MRPL10: variants seen among roughly 807,000 people sequenced by gnomAD.
The protein encoded by MRPL10 is large ribosomal subunit protein uL10m.
MRPL10 carries 14 observed loss-of-function variants against 19.8 expected under a neutral mutation model. The ratio of observed to expected loss-of-function variants is 0.71; its 90% confidence interval spans 0.47 to 1.11. The LOEUF (loss-of-function observed/expected upper bound fraction) is 1.11. Among genes scored for constraint, MRPL10 ranks in the 50% least tolerant of loss-of-function variants. The pLI, the probability that MRPL10 is intolerant of heterozygous loss-of-function variation, is 0.00. For synonymous variants in MRPL10, 129 were observed against 139.2 expected, an observed-to-expected ratio of 0.93 and a Z score of 0.52; for missense variants, 318 against 339.6, an observed-to-expected ratio of 0.94 and a Z score of 0.50.
rs986526481 is a variant in MRPL10 at position 47,823,897 on chromosome 17, G to A, written c.*308C>T. On this transcript the variant is annotated 3_prime_UTR_variant, in exon 5 of 5. Coordinates refer to ENST00000351111, the MANE Select transcript of MRPL10 (RefSeq NM_145255.4). ...GGCTCAGGAGCCCGTGCAGCAAGAG[G>A]CAGTGACCAAGGAGGCAGGGGACAA... 5.1e-6 allele frequency: 2 copies of A among 393,060 alleles called. No individual in the cohort carries two copies. Among genetic ancestry groups the A allele is most frequent in the Non-Finnish European group, 9.4e-6 (2 of 212,136 alleles). 24.3% of individuals were successfully genotyped at this position (393,060 alleles called of 1,614,324 possible). A position where few individuals can be genotyped will look rare whatever the true frequency, so the allele number is the denominator to read the frequency against.
Position 47,824,261 on chromosome 17 carries a change from C to A in MRPL10, c.730G>T (p.Asp244Tyr), listed in dbSNP as rs764603416. 3 of 1,614,162 alleles carry A rather than the reference C, an allele frequency of 1.9e-6. No homozygotes were observed. The highest frequency in any genetic ancestry group is 8.5e-7 in the Non-Finnish European group (1 of 1,180,036). ...DQYIREQREKDSVMSANGKPD... is the reference protein window; with the variant it reads ...DQYIREQREKYSVMSANGKPD... ...TTCCCATTGGCCGACATGACAGAAT[C>A]CTTCTCGCGTTGCTCTCTGATGTAC... The change falls in exon 5 of 5, where the codon GAT becomes TAT. Residue 244 changes from aspartate (D) to tyrosine (Y), a missense_variant. Transcript: ENST00000351111.
At chr17:47,826,518 G>A (rs1230381948) in intron 4 of MRPL10, 119 bp downstream of exon 4, 6 of 1,273,408 alleles carry the variant, frequency 4.7e-6, no homozygotes, top group Non-Finnish European at 6.6e-6. Flanking sequence ...GTTTACTCAG[G>A]CTCCATCCGT....
intron 4 of MRPL10, among the ~76,000 whole-genome samples, chr17:47,826,045 G>C (rs2033527060): frequency 6.6e-6 from 1 of 150,984 alleles, no homozygotes; most frequent in Non-Finnish European, 1.5e-5. Context: ...TACTCAGGAG[G>C]CTGAGGCAGG....
chr17:47,826,184 G>A (rs1011014988), intron 4 of MRPL10, among the ~76,000 whole-genome samples: 8 of 133,248 alleles, frequency 6.0e-5, no homozygotes, highest in Non-Finnish European at 1.1e-4. Flanking sequence ...TTCCTGTCCC[G>A]CCCCCTCCCT....
intron 2 of MRPL10, 96 bp from the exon 3 acceptor site, chr17:47,827,300 TC>T: frequency 9.4e-7 from 1 of 1,061,722 alleles, no homozygotes; most frequent in Non-Finnish European, 1.4e-6. Context: ...TCCAGTGATG[TC>T]CAGATGTGCA....
At chr17:47,826,810 C>G in intron 3 of MRPL10, 29 bp from the exon 4 acceptor site, 1 of 1,613,616 alleles carries the variant, frequency 6.2e-7, no homozygotes, top group South Asian at 1.1e-5. Context: ...AATGGCTTAT[C>G]GGGGACAAGT....
chr17:47,831,168 C>A (rs2033623146), intron 1 of MRPL10: 4 of 651,532 alleles, frequency 6.1e-6, no homozygotes, highest in Middle Eastern at 4.2e-4. Flanking sequence ...TGCGACGGGG[C>A]TAAGGAGTCA....
chr17:47,826,078 C>T (rs1339509953), intron 4 of MRPL10, among the ~76,000 whole-genome samples: 1 of 145,318 alleles, frequency 6.9e-6, no homozygotes. Flanking sequence ...ACCCAGGAGA[C>T]AGAGGTTGCA....
chr17:47,827,115 C>G lies in MRPL10; in HGVS notation c.312G>C (p.Leu104=). The G allele has an allele frequency of 6.2e-7, 1 of 1,614,146 alleles. No homozygotes were observed. The change falls in exon 3 of 5, where the codon CTG becomes CTC. Residue 104 remains leucine, a synonymous_variant. Coordinates refer to ENST00000351111, the MANE Select transcript of MRPL10 (RefSeq NM_145255.4). ...GCATAAGAAGCTTGTCCTCTGCACT[C>G]AGAGCCACATTCTGGCAGACGGCTA... is the stretch of plus-strand genomic sequence containing the variant. ...RMIAVCQNVA[L]SAEDKLLMRH...
intron 4 of MRPL10, among the ~76,000 whole-genome samples, chr17:47,824,869 C>A (rs1159239076): frequency 6.6e-6 from 1 of 151,450 alleles, no homozygotes; most frequent in Non-Finnish European, 1.5e-5. Context: ...CAAAAATTAG[C>A]CAGGCATGGT....
At chr17:47,824,605 AC>A (rs1198465270) in intron 4 of MRPL10, 147 bp from the exon 5 acceptor site, 3 of 849,318 alleles carry the variant, frequency 3.5e-6, no homozygotes, top group African/African-American at 1.7e-5. Flanking sequence ...CCCACACCAC[AC>A]CCACTCTGCT....
intron 3 of MRPL10, 65 bp downstream of exon 3, chr17:47,826,975 G>T: frequency 1.3e-6 from 2 of 1,529,886 alleles, no homozygotes; most frequent in Non-Finnish European, 8.9e-7. Context: ...AGCAGATGGT[G>T]AGGTCTGAGT....
intron 2 of MRPL10, among the ~76,000 whole-genome samples, 196 bp from the exon 3 acceptor site, chr17:47,827,400 A>C (rs550373951): frequency 2.0e-5 from 3 of 152,318 alleles, no homozygotes; most frequent in African/African-American, 7.2e-5. Context: ...CACTTTCATT[A>C]GATAATTGCA....
rs1168802651 is a variant in MRPL10 at position 47,824,145 on chromosome 17, A to G, written c.*60T>C. ...CCAAGTTCTTCCACATGTCCCATTGAGGAGAGCACAGCCAATAACGCAGAG... is the reference window on the plus strand; with the variant it reads ...CCAAGTTCTTCCACATGTCCCATTGGGGAGAGCACAGCCAATAACGCAGAG... On this transcript the variant is annotated 3_prime_UTR_variant, in exon 5 of 5. Transcript: ENST00000351111. The G allele has an allele frequency of 6.8e-6, 11 of 1,608,402 alleles. No homozygotes were observed. The Admixed American group carries it at 1.2e-4, about 17-fold the overall frequency.
chr17:47,824,802 T>A (rs2033502821), intron 4 of MRPL10, among the ~76,000 whole-genome samples: 2 of 151,456 alleles, frequency 1.3e-5, no homozygotes, highest in Non-Finnish European at 2.9e-5. Context: ...TCACCTGAGG[T>A]CAGGAGTTCA....
intron 1 of MRPL10, among the ~76,000 whole-genome samples, chr17:47,830,805 C>T (rs955070239): frequency 6.6e-6 from 1 of 152,154 alleles, no homozygotes; most frequent in Non-Finnish European, 1.5e-5. Context: ...CGCGCCCAGC[C>T]GAAACTGGAT....
At chr17:47,827,500 CAAT>C (rs1489678649) in intron 2 of MRPL10, among the ~76,000 whole-genome samples, 2 of 152,216 alleles carry the variant, frequency 1.3e-5, no homozygotes, top group Non-Finnish European at 2.9e-5. Flanking sequence ...CAGTGCTTGA[CAAT>C]AATATTGCTA....
chr17:47,826,547 A>G, intron 4 of MRPL10, 90 bp downstream of exon 4: 1 of 1,513,902 alleles, frequency 6.6e-7, no homozygotes, highest in Non-Finnish European at 9.0e-7. Context: ...GCTCTCTCCA[A>G]GAACGTTCAC....
At chr17:47,831,185 G>T in intron 1 of MRPL10, 3 of 769,698 alleles carry the variant, frequency 3.9e-6, no homozygotes, top group South Asian at 2.0e-5. Flanking sequence ...GTCAAGGGAA[G>T]ACCTGAGGTG....
Sources: allele counts gnomAD v4.1 joint callset (sites outside exome capture counted in the v4.1 genomes callset), GRCh38; gene constraint gnomAD v4.1.1; transcripts MANE v1.5; gene names NCBI Gene and HGNC (gene_info 2026-07-23, HGNC 2026-07-21).